The following SYT9 variants were observed in gnomAD, a reference collection of about 807,000 sequenced individuals.
The protein encoded by SYT9 is synaptotagmin-9.
In SYT9, 22 loss-of-function variants were observed where a neutral mutation model predicts 48.4. The ratio of observed to expected loss-of-function variants is 0.45; its 90% CI spans 0.32 to 0.65. The LOEUF (loss-of-function observed/expected upper bound fraction) is 0.65, where lower values mean the gene tolerates loss of function less well. SYT9 is among the 30% of genes least tolerant of loss of function. The pLI is 0.03. For missense variants in SYT9, 577 were observed against 622.0 expected, an observed-to-expected ratio of 0.93 and a Z score of 0.77; for synonymous variants, 265 against 245.0, an observed-to-expected ratio of 1.08 and a Z score of -0.76.
At chr11:7,333,691 G>T (rs1438691790) in intron 3 of SYT9, among the ~76,000 whole-genome samples, 2 of 152,210 alleles carry the variant, frequency 1.3e-5, no homozygotes, top group East Asian at 3.8e-4. Context: ...ATGGAAGGAT[G>T]AATTTTGCAT....
chr11:7,315,953 T>G (rs1333652038), intron 3 of SYT9, among the ~76,000 whole-genome samples: 1 of 152,156 alleles, frequency 6.6e-6, no homozygotes, highest in Non-Finnish European at 1.5e-5. Context: ...AGCATTGATC[T>G]AAGCCTTTGG....
At chr11:7,352,755 C>T (rs1389686586) in intron 3 of SYT9, among the ~76,000 whole-genome samples, 3 of 152,118 alleles carry the variant, frequency 2.0e-5, no homozygotes, top group Non-Finnish European at 4.4e-5. Flanking sequence ...TGCATACAAA[C>T]ATGTGAAATA....
chr11:7,296,181 T>C (rs918767586), intron 1 of SYT9, among the ~76,000 whole-genome samples: 2 of 152,212 alleles, frequency 1.3e-5, no homozygotes, highest in Non-Finnish European at 2.9e-5. Flanking sequence ...AGATAGGTAC[T>C]ATTATTATCC....
intron 3 of SYT9, among the ~76,000 whole-genome samples, chr11:7,410,797 T>C (rs1259459650): frequency 6.6e-6 from 1 of 152,244 alleles, no homozygotes; most frequent in Non-Finnish European, 1.5e-5. Context: ...TTTTCTTATA[T>C]ATTCAACCAG....
intron 6 of SYT9, among the ~76,000 whole-genome samples, chr11:7,458,489 T>A (rs913812025): frequency 3.3e-5 from 5 of 151,624 alleles, no homozygotes; most frequent in Non-Finnish European, 7.4e-5. Flanking sequence ...CTCAAAAAAA[T>A]TAATTAATTA....
intron 1 of SYT9, among the ~76,000 whole-genome samples, chr11:7,253,593 G>GAAA (rs1847913380): frequency 1.3e-5 from 2 of 151,014 alleles, no homozygotes; most frequent in African/African-American, 4.9e-5. Context: ...TTTTCCTATT[G>GAAA]AAAAAGAAAA....
At chr11:7,302,018 A>C (rs1049378458) in intron 1 of SYT9, among the ~76,000 whole-genome samples, 3 of 152,134 alleles carry the variant, frequency 2.0e-5, no homozygotes, top group Non-Finnish European at 4.4e-5. Context: ...TGCTGTCATT[A>C]CCTGCCATGT....
Position 7,280,129 on chromosome 11 carries a change from G to A in SYT9, c.146-22910G>A, listed in dbSNP as rs147802952. Among the ~76,000 whole-genome samples the A allele has an allele frequency of 1.4e-3, 214 of 152,344 alleles. No homozygotes were observed. The Middle Eastern group carries it at 0.02, about 15-fold the overall frequency. On this transcript the variant is annotated intron_variant, in intron 1 of 6. Coordinates refer to ENST00000318881, the MANE Select transcript of SYT9 (RefSeq NM_175733.4). ...GGTATGCATAAATATACACGCATAC[G>A]TTTATTTTAAGTGTTACTCATATAA...
At chr11:7,314,236 C>A (rs146329308) in intron 3 of SYT9, 2 of 516,190 alleles carry the variant, frequency 3.9e-6, no homozygotes, top group Non-Finnish European at 7.4e-6. Context: ...CTCCGTACCA[C>A]ATTTTCTTTA....
At chr11:7,328,172 C>T (rs2133973758) in intron 3 of SYT9, among the ~76,000 whole-genome samples, 1 of 151,502 alleles carries the variant, frequency 6.6e-6, no homozygotes, top group South Asian at 2.1e-4. Flanking sequence ...TTCCTACATC[C>T]TTATATTTTA....
chr11:7,280,272 C>G (rs375844641), intron 1 of SYT9, among the ~76,000 whole-genome samples: 13 of 152,196 alleles, frequency 8.5e-5, no homozygotes, highest in African/African-American at 3.1e-4. Context: ...TCCATAGCAA[C>G]CTTAGGTTGC....
chr11:7,403,728 A>C (rs1284240539), intron 3 of SYT9, among the ~76,000 whole-genome samples: 1 of 151,572 alleles, frequency 6.6e-6, no homozygotes, highest in Non-Finnish European at 1.5e-5. Flanking sequence ...TTATAATTCA[A>C]ATATAATCTG....
At chr11:7,260,977 G>C (rs16924074) in intron 1 of SYT9, among the ~76,000 whole-genome samples, 28,692 of 152,152 alleles carry the variant, frequency 0.19, 2,693 homozygotes, top group East Asian at 0.26. Context: ...TGCACAGTCT[G>C]TTTTCTCTGA....
intron 3 of SYT9, among the ~76,000 whole-genome samples, chr11:7,404,581 A>C (rs1170660233): frequency 2.0e-5 from 3 of 152,184 alleles, no homozygotes; most frequent in Non-Finnish European, 4.4e-5. Context: ...GAAACTTACA[A>C]CAGTTTCAAC....
At chr11:7,394,771 G>T (rs943451897) in intron 3 of SYT9, among the ~76,000 whole-genome samples, 1 of 152,056 alleles carries the variant, frequency 6.6e-6, no homozygotes, top group Non-Finnish European at 1.5e-5. Flanking sequence ...GTACAAGTCA[G>T]ATTATTAATT....
chr11:7,432,927 G>A (rs1847637351), intron 6 of SYT9, among the ~76,000 whole-genome samples: 1 of 152,012 alleles, frequency 6.6e-6, no homozygotes, highest in African/African-American at 2.4e-5. Flanking sequence ...GGAAGAACAT[G>A]AGATTTGGGA....
rs118018166 is a variant in SYT9, at chr11:7,406,429, C to A, written c.1045-9613C>A. 2.6e-3 allele frequency among the ~76,000 whole-genome samples: 389 copies of A among 151,990 alleles called. 6 individuals are homozygous for A. The East Asian group carries it at 0.054, about 21-fold the overall frequency. ...TGAGTGAGAACATGTATCTGTCTTT[C>A]TGTGCCTGACTTATTTCACTTAACG... On this transcript the variant is annotated intron_variant, in intron 3 of 6. Coordinates refer to ENST00000318881, the MANE Select transcript of SYT9 (RefSeq NM_175733.4).
intron 1 of SYT9, among the ~76,000 whole-genome samples, chr11:7,278,013 G>A (rs926975712): frequency 2.6e-5 from 4 of 152,184 alleles, no homozygotes; most frequent in Non-Finnish European, 5.9e-5. Context: ...AGTTATAGAG[G>A]CTGGAAAGTC....
At position 7,412,355 on chromosome 11, in the gene SYT9, G is replaced by A. The variant is rs552606624; in HGVS notation, c.1045-3687G>A. Among the ~76,000 whole-genome samples the A allele has an allele frequency of 5.3e-5, 8 of 152,326 alleles. No homozygotes were observed. The South Asian group carries it at 1.7e-3, about 32-fold the overall frequency. On this transcript the variant is annotated intron_variant, in intron 3 of 6. Coordinates refer to ENST00000318881, the MANE Select transcript of SYT9 (RefSeq NM_175733.4). ...TTTGTAGAGAGGACTCTTCTCTGAA[G>A]ATTATCTATGATGTTGGTTGAGTAG...
Sources: gnomAD v4.1 joint callset for allele counts (sites outside exome capture counted in the v4.1 genomes callset) on GRCh38, gnomAD v4.1.1 for gene constraint, MANE v1.5 for transcripts, NCBI Gene and HGNC (gene_info 2026-07-23, HGNC 2026-07-21) for gene names.